Variants in LURAP1L observed in about 807,000 individuals in gnomAD.
LURAP1L encodes leucine rich adaptor protein 1 like.
In LURAP1L, 12 loss-of-function variants were observed where a neutral mutation model predicts 13.8. That is an observed-to-expected ratio of 0.87 (90% CI 0.56 to 1.41). The LOEUF (loss-of-function observed/expected upper bound fraction) is 1.41, where lower values mean the gene tolerates loss of function less well. Ranked by LOEUF, LURAP1L falls within the 40% of genes most tolerant of loss-of-function variation. LURAP1L has a pLI of 0.00. For synonymous variants in LURAP1L, 139 were observed against 119.2 expected (o/e 1.17, Z -1.08); for missense variants, 375 against 292.9 (o/e 1.28, Z -2.04).
In LURAP1L at chr9:12,775,569, G is replaced by A. The variant is rs1819158164; in HGVS notation, c.-147G>A. ...ATTTCAGGGCTGATACCGCATAGGC[G>A]GTTATGGAAAGGACGGTACACCGGA... is the stretch of plus-strand genomic sequence containing the variant. On this transcript the variant is annotated 5_prime_UTR_variant, in exon 1 of 2. Coordinates refer to ENST00000319264, the MANE Select transcript of LURAP1L (RefSeq NM_203403.2). 6 of 1,330,404 alleles carry A rather than the reference G, an allele frequency of 4.5e-6. No individual in the cohort carries two copies. The highest frequency in any genetic ancestry group is 5.9e-6 in the Non-Finnish European group (6 of 1,014,212). 82.4% of individuals were successfully genotyped at this position (1,330,404 alleles called of 1,614,324 possible).
At chr9:12,777,073 C>T (rs576022220) in intron 1 of LURAP1L, 4 of 247,738 alleles carry the variant, frequency 1.6e-5, no homozygotes, top group South Asian at 3.0e-4. Context: ...TTCACAGTTG[C>T]TTTTGATTTG....
intron 1 of LURAP1L, among the ~76,000 whole-genome samples, chr9:12,794,185 A>C (rs1200201755): frequency 6.6e-6 from 1 of 152,082 alleles, no homozygotes; most frequent in Non-Finnish European, 1.5e-5. Context: ...AGTGCCATGC[A>C]GCAGCCAATA....
intron 1 of LURAP1L, among the ~76,000 whole-genome samples, chr9:12,817,135 C>T (rs543121416): frequency 2.6e-5 from 4 of 152,248 alleles, no homozygotes; most frequent in South Asian, 4.2e-4. Context: ...ACCAGTTACT[C>T]GGTGTTTGAA....
In LURAP1L at chr9:12,821,776, T is replaced by A. The variant is rs1819885098; in HGVS notation, c.*16T>A. ...CTTTGGCTAGTGACAGTTTTTTGCA[T>A]GGGACTGGTGTGCAATGAACTTGTA... On this transcript the variant is annotated 3_prime_UTR_variant, in exon 2 of 2. Coordinates refer to ENST00000319264, the MANE Select transcript of LURAP1L (RefSeq NM_203403.2). The A allele has an allele frequency of 6.3e-7, 1 of 1,599,446 alleles. No homozygotes were observed. Among genetic ancestry groups the A allele is most frequent in the South Asian group, 1.1e-5 (1 of 90,638 alleles).
chr9:12,820,514 C>CCCCCCA (rs1554659926), intron 1 of LURAP1L, among the ~76,000 whole-genome samples: 1 of 41,728 alleles, frequency 2.4e-5, no homozygotes, highest in Non-Finnish European at 5.4e-5. Flanking sequence ...CCCCCCCCCC[C>CCCCCCA]AAAAAAAAAA....
chr9:12,813,524 C>T (rs1819765676), intron 1 of LURAP1L, among the ~76,000 whole-genome samples: 1 of 151,998 alleles, frequency 6.6e-6, no homozygotes, highest in African/African-American at 2.4e-5. Context: ...AATTTAAAAA[C>T]ACTATAAAGC....
At position 12,775,658 on chromosome 9, in the gene LURAP1L, C is replaced by T; in HGVS notation, c.-58C>T. 2.6e-6 allele frequency: 4 copies of T among 1,519,802 alleles called. No homozygotes were observed. Among genetic ancestry groups the T allele is most frequent in the Non-Finnish European group, 3.5e-6 (4 of 1,137,482 alleles). The allele number at this position is 1,519,802 out of a possible 1,614,324, so 94.1% of individuals were successfully genotyped here. A position where few individuals can be genotyped will look rare whatever the true frequency, so the allele number is the denominator to read the frequency against. ...GCTGATTTCGCAGCAGCCTTCGAAG[C>T]CGTGGCTGCCTTTCATCTGCTGCGT... is the stretch of plus-strand genomic sequence containing the variant. On this transcript the variant is annotated 5_prime_UTR_variant, in exon 1 of 2. Coordinates refer to ENST00000319264, the MANE Select transcript of LURAP1L (RefSeq NM_203403.2).
At chr9:12,801,276 A>T (rs972174229) in intron 1 of LURAP1L, among the ~76,000 whole-genome samples, 1 of 151,510 alleles carries the variant, frequency 6.6e-6, no homozygotes, top group Non-Finnish European at 1.5e-5. Flanking sequence ...CTCTCCAAAG[A>T]AGCCTAGCAT....
At chr9:12,796,747 C>T (rs529609051) in intron 1 of LURAP1L, among the ~76,000 whole-genome samples, 21 of 152,026 alleles carry the variant, frequency 1.4e-4, no homozygotes, top group Admixed American at 9.2e-4. Context: ...CACATAGAGG[C>T]AAAGAAGCAG....
At chr9:12,787,651 T>G (rs1242069176) in intron 1 of LURAP1L, among the ~76,000 whole-genome samples, 1 of 152,164 alleles carries the variant, frequency 6.6e-6, no homozygotes, top group East Asian at 1.9e-4. Flanking sequence ...AAGCACACCA[T>G]TTCATTTTCA....
chr9:12,786,575 T>TATATAC (rs1563888406), intron 1 of LURAP1L, among the ~76,000 whole-genome samples: 1 of 128,694 alleles, frequency 7.8e-6, no homozygotes, highest in Non-Finnish European at 1.7e-5. Context: ...TATATATATA[T>TATATAC]ATATATAAAC....
At chr9:12,803,241 A>T (rs1459443953) in intron 1 of LURAP1L, among the ~76,000 whole-genome samples, 1 of 152,140 alleles carries the variant, frequency 6.6e-6, no homozygotes, top group Non-Finnish European at 1.5e-5. Flanking sequence ...ATCTTGAAAA[A>T]TTTCCTATCA....
At chr9:12,804,485 G>A (rs1369811156) in intron 1 of LURAP1L, among the ~76,000 whole-genome samples, 2 of 151,854 alleles carry the variant, frequency 1.3e-5, no homozygotes, top group African/African-American at 4.8e-5. Context: ...TGGGATTACA[G>A]GTATGCACCA....
intron 1 of LURAP1L, among the ~76,000 whole-genome samples, chr9:12,782,204 G>C (rs1819282545): frequency 6.6e-6 from 1 of 152,122 alleles, no homozygotes; most frequent in South Asian, 2.1e-4. Flanking sequence ...CCATTTCATG[G>C]GTTGTCTCTC....
chr9:12,801,743 G>C (rs1252515927), intron 1 of LURAP1L, among the ~76,000 whole-genome samples: 1 of 152,138 alleles, frequency 6.6e-6, no homozygotes, highest in Non-Finnish European at 1.5e-5. Context: ...GGAAATTTAA[G>C]AATGTTCCAA....
intron 1 of LURAP1L, among the ~76,000 whole-genome samples, chr9:12,797,924 T>C (rs1290766390): frequency 6.6e-6 from 1 of 152,182 alleles, no homozygotes; most frequent in African/African-American, 2.4e-5. Context: ...TCTGAGTTTA[T>C]GAATTATATT....
chr9:12,802,414 G>A (rs757275000), intron 1 of LURAP1L, among the ~76,000 whole-genome samples: 3 of 152,012 alleles, frequency 2.0e-5, no homozygotes, highest in Non-Finnish European at 4.4e-5. Flanking sequence ...CCTGAGATCT[G>A]GTCTTTAAAA....
chr9:12,783,053 T>A (rs1449718295), intron 1 of LURAP1L, among the ~76,000 whole-genome samples: 1 of 152,192 alleles, frequency 6.6e-6, no homozygotes, highest in Non-Finnish European at 1.5e-5. Context: ...GATTTTTATG[T>A]TAATTTTGTA....
intron 1 of LURAP1L, among the ~76,000 whole-genome samples, chr9:12,818,482 G>A (rs550886304): frequency 6.6e-6 from 1 of 152,290 alleles, no homozygotes; most frequent in Admixed American, 6.5e-5. Flanking sequence ...AGGAAGAAAT[G>A]TGAGACATGG....
Sources: allele counts gnomAD v4.1 joint callset (sites outside exome capture counted in the v4.1 genomes callset), GRCh38; gene constraint gnomAD v4.1.1; transcripts MANE v1.5; gene names NCBI Gene and HGNC (gene_info 2026-07-23, HGNC 2026-07-21).